Variants in DSTYK observed in about 807,000 individuals in gnomAD.
DSTYK encodes the protein dual serine/threonine and tyrosine protein kinase, also known as RIP-homologous kinase.
A neutral mutation model predicts 98.7 loss-of-function variants in DSTYK; 34 were observed. That is an observed-to-expected ratio of 0.34 (90% CI 0.26 to 0.46). The LOEUF (loss-of-function observed/expected upper bound fraction) is 0.46, where lower values mean the gene tolerates loss of function less well. Ranked by LOEUF, DSTYK falls within the 20% of genes least tolerant of loss-of-function variation. DSTYK has a pLI of 1.00. For synonymous variants in DSTYK, 462 were observed against 457.3 expected (o/e 1.01, Z -0.13); for missense variants, 962 against 1,181.7 (o/e 0.81, Z 2.73).
At chr1:205,170,147 G>A (rs533976363) in intron 2 of DSTYK, among the ~76,000 whole-genome samples, 1 of 152,268 alleles carries the variant, frequency 6.6e-6, no homozygotes, top group East Asian at 1.9e-4. Flanking sequence ...TCCCTCTGAT[G>A]AAGAATTAAG....
At chr1:205,154,098 GAA>G (rs1185689395) in intron 10 of DSTYK, among the ~76,000 whole-genome samples, 2 of 151,614 alleles carry the variant, frequency 1.3e-5, no homozygotes, top group Non-Finnish European at 2.9e-5. Context: ...TGTATAGAGA[GAA>G]AGAGAGAGCG....
intron 1 of DSTYK, among the ~76,000 whole-genome samples, chr1:205,188,608 C>A (rs533032691): frequency 6.6e-6 from 1 of 152,170 alleles, no homozygotes; most frequent in South Asian, 2.1e-4. Flanking sequence ...ACTATGGAGC[C>A]CTTTTAAATT....
intron 2 of DSTYK, among the ~76,000 whole-genome samples, chr1:205,178,306 C>A: frequency 6.6e-6 from 1 of 151,964 alleles, no homozygotes; most frequent in East Asian, 1.9e-4. Context: ...AGGTAACCGA[C>A]AAGTTGATAA....
At chr1:205,171,796 T>C (rs1444569438) in intron 2 of DSTYK, among the ~76,000 whole-genome samples, 1 of 152,240 alleles carries the variant, frequency 6.6e-6, no homozygotes, top group Non-Finnish European at 1.5e-5. Flanking sequence ...TAGCATATTT[T>C]AGAGTTATAA....
chr1:205,182,972 A>G (rs949817162), intron 2 of DSTYK, among the ~76,000 whole-genome samples: 5 of 152,068 alleles, frequency 3.3e-5, no homozygotes, highest in Admixed American at 3.3e-4. Flanking sequence ...ACAGTAAATG[A>G]AACGCCACCT....
At chr1:205,183,086 ACACAC>A (rs1408510200) in intron 2 of DSTYK, among the ~76,000 whole-genome samples, 2 of 150,786 alleles carry the variant, frequency 1.3e-5, no homozygotes, top group Admixed American at 6.6e-5. Flanking sequence ...AAAAGCACAC[ACACAC>A]ACACACACAC....
chr1:205,164,571 C>A (rs571810774), intron 3 of DSTYK, among the ~76,000 whole-genome samples: 1 of 151,692 alleles, frequency 6.6e-6, no homozygotes, highest in South Asian at 2.1e-4. Flanking sequence ...AAGCCATTCT[C>A]CTGCCTCAGC....
Position 205,211,655 on chromosome 1 carries a change from C to G in DSTYK, c.-120G>C. On this transcript the variant is annotated 5_prime_UTR_variant, in exon 1 of 13. Transcript: ENST00000367162. ...GCCTCCTGACGCCCCCGCCTGCAGTCAGCCTGGCTCCCAACCTCCGTCACT... is the reference window on the plus strand; with the variant it reads ...GCCTCCTGACGCCCCCGCCTGCAGTGAGCCTGGCTCCCAACCTCCGTCACT... 1 of 1,334,314 alleles carries G rather than the reference C, an allele frequency of 7.5e-7. No homozygotes were observed. The highest frequency in any genetic ancestry group is 2.9e-5 in the East Asian group (1 of 34,708). 82.7% of individuals were successfully genotyped at this position (1,334,314 alleles called of 1,614,324 possible).
At chr1:205,156,076 C>T (rs1243179952) in intron 10 of DSTYK, among the ~76,000 whole-genome samples, 5 of 152,246 alleles carry the variant, frequency 3.3e-5, no homozygotes, top group African/African-American at 1.2e-4. Context: ...GTTTGGGAAC[C>T]TCCACCTAGA....
At chr1:205,206,621 C>T (rs530913075) in intron 1 of DSTYK, among the ~76,000 whole-genome samples, 2 of 147,514 alleles carry the variant, frequency 1.4e-5, no homozygotes, top group East Asian at 2.0e-4. Context: ...CTTGCTTTGT[C>T]GCCCAGGCTG....
chr1:205,202,392 G>C (rs377595323), intron 1 of DSTYK: 5 of 738,846 alleles, frequency 6.8e-6, no homozygotes, highest in East Asian at 2.6e-5. Context: ...TGGTTGCGTT[G>C]GTTGGTGTGC....
At chr1:205,180,233 A>G (rs1658354970) in intron 2 of DSTYK, among the ~76,000 whole-genome samples, 1 of 152,164 alleles carries the variant, frequency 6.6e-6, no homozygotes, top group South Asian at 2.1e-4. Flanking sequence ...CACCTGAATT[A>G]GGTATTTGTC....
intron 1 of DSTYK, among the ~76,000 whole-genome samples, chr1:205,198,206 AAG>A (rs1658924901): frequency 6.7e-6 from 1 of 149,686 alleles, no homozygotes; most frequent in African/African-American, 2.6e-5. Context: ...AAAAAAAAGA[AAG>A]AAAGAAAGAA....
chr1:205,210,227 T>C (rs983633934), intron 1 of DSTYK, among the ~76,000 whole-genome samples: 1 of 152,072 alleles, frequency 6.6e-6, no homozygotes, highest in Admixed American at 6.6e-5. Flanking sequence ...TCATGTTAAA[T>C]TAGATTCTTA....
At chr1:205,161,884 ATGTG>A (rs1034168869) in intron 6 of DSTYK, 148 bp downstream of exon 6, 1 of 639,370 alleles carries the variant, frequency 1.6e-6, no homozygotes, top group Admixed American at 3.7e-5. Flanking sequence ...TAATATACAT[ATGTG>A]TGTGTGTGTA....
At chr1:205,190,266 G>T (rs761393536) in intron 1 of DSTYK, among the ~76,000 whole-genome samples, 1 of 152,074 alleles carries the variant, frequency 6.6e-6, no homozygotes, top group Non-Finnish European at 1.5e-5. Flanking sequence ...GAAAAGTCCA[G>T]TATCATGATG....
chr1:205,201,024 GCCT>G (rs1659017938), intron 1 of DSTYK, among the ~76,000 whole-genome samples: 1 of 152,002 alleles, frequency 6.6e-6, no homozygotes, highest in African/African-American at 2.4e-5. Context: ...TCCTGCCTCA[GCCT>G]CCTGAGTAGC....
In DSTYK at chr1:205,159,601, A is replaced by G. The variant is rs1415901008; in HGVS notation, c.2184T>C (p.Ile728=). The G allele has an allele frequency of 1.2e-6, 2 of 1,613,760 alleles. No individual in the cohort carries two copies. The highest frequency in any genetic ancestry group is 1.7e-6 in the Non-Finnish European group (2 of 1,179,926). ...GCCGCTCCATAATGAGGAGCACAGC[A>G]ATGCTGGAGCCACCACCATAGTTGT... The part of the protein sequence containing the change: ...IDYNYGGGSS[I]AVLLIMERLH... Residue 728 remains isoleucine, a synonymous_variant, in exon 9 of 13, where the codon ATT becomes ATC. Coordinates refer to ENST00000367162, the MANE Select transcript of DSTYK (RefSeq NM_015375.3).
intron 3 of DSTYK, among the ~76,000 whole-genome samples, chr1:205,165,488 T>G (rs1240790019): frequency 2.0e-5 from 3 of 152,168 alleles, no homozygotes; most frequent in Non-Finnish European, 2.9e-5. Context: ...CATCTATTAA[T>G]GTTGTAAATC....
Sources: gnomAD v4.1 joint callset for allele counts (sites outside exome capture counted in the v4.1 genomes callset) on GRCh38, gnomAD v4.1.1 for gene constraint, MANE v1.5 for transcripts, NCBI Gene and HGNC (gene_info 2026-07-23, HGNC 2026-07-21) for gene names.